Variants in GRM5 observed in about 807,000 individuals in gnomAD.
GRM5 encodes the protein glutamate metabotropic receptor 5, also known as metabotropic glutamate receptor 5.
GRM5 carries 19 observed loss-of-function variants against 83.1 expected under a neutral mutation model. The ratio of observed to expected loss-of-function variants is 0.23; its 90% CI spans 0.16 to 0.34. GRM5 has a LOEUF of 0.34. GRM5 is among the 10% of genes least tolerant of loss of function. The pLI is 1.00. For synonymous variants in GRM5, 675 were observed against 633.6 expected, an observed-to-expected ratio of 1.07 and a Z score of -0.98; for missense variants, 1,160 against 1,588.3, an observed-to-expected ratio of 0.73 and a Z score of 4.58.
chr11:88,959,720 T>C (rs764405671), intron 2 of GRM5, among the ~76,000 whole-genome samples: 1 of 152,124 alleles, frequency 6.6e-6, no homozygotes, highest in Non-Finnish European at 1.5e-5. Context: ...TTGACCTTAG[T>C]TGAGTCAGCC....
chr11:88,893,661 T>G (rs566335500), intron 2 of GRM5, among the ~76,000 whole-genome samples: 13 of 152,120 alleles, frequency 8.5e-5, no homozygotes, highest in African/African-American at 3.1e-4. Flanking sequence ...CACAACCCAT[T>G]GGAATGACTG....
chr11:88,839,222 C>T (rs1425325217), intron 3 of GRM5, among the ~76,000 whole-genome samples: 2 of 152,074 alleles, frequency 1.3e-5, no homozygotes, highest in Non-Finnish European at 2.9e-5. Context: ...TACTATATAT[C>T]ATAAAATTTT....
At chr11:88,981,253 C>A (rs551786060) in intron 2 of GRM5, among the ~76,000 whole-genome samples, 1 of 152,172 alleles carries the variant, frequency 6.6e-6, no homozygotes, top group East Asian at 1.9e-4. Context: ...ATTATATGAA[C>A]CTTTTTACCC....
At chr11:88,759,324 G>T (rs1173971948) in intron 3 of GRM5, among the ~76,000 whole-genome samples, 1 of 152,108 alleles carries the variant, frequency 6.6e-6, no homozygotes, top group Non-Finnish European at 1.5e-5. Context: ...GTCTCTTCAG[G>T]AGACCCATCT....
At chr11:88,932,867 C>A (rs912174775) in intron 2 of GRM5, among the ~76,000 whole-genome samples, 1 of 151,776 alleles carries the variant, frequency 6.6e-6, no homozygotes, top group African/African-American at 2.4e-5. Flanking sequence ...TTGATGTTGC[C>A]GAAATGCCTG....
chr11:88,605,026 G>C lies in GRM5; in HGVS notation c.1148-62C>G, dbSNP rs1295370912. On this transcript the variant is annotated intron_variant, in intron 4 of 9. Coordinates refer to ENST00000305447, the MANE Select transcript of GRM5 (RefSeq NM_001143831.3). ...AAATCTACTCTCGCGACATTCCTGG[G>C]TACTGAATAATGGGTTACCTGTAAT... is the stretch of plus-strand genomic sequence containing the variant. 2.9e-6 allele frequency: 4 copies of C among 1,381,266 alleles called. No homozygotes were observed. In the Admixed American group the frequency reaches 6.9e-5, roughly 24 times the overall value. 85.6% of individuals were successfully genotyped at this position (1,381,266 alleles called of 1,614,324 possible). A position where few individuals can be genotyped will look rare whatever the true frequency, so the allele number is the denominator to read the frequency against.
intron 2 of GRM5, among the ~76,000 whole-genome samples, chr11:88,966,322 G>A (rs1174093025): frequency 3.9e-5 from 6 of 151,998 alleles, no homozygotes; most frequent in African/African-American, 1.2e-4. Flanking sequence ...TAACAAATTA[G>A]AGAATGAAGA....
At chr11:88,906,479 A>G (rs1386103448) in intron 2 of GRM5, among the ~76,000 whole-genome samples, 1 of 152,162 alleles carries the variant, frequency 6.6e-6, no homozygotes, top group Admixed American at 6.5e-5. Flanking sequence ...GAAAAAAAAA[A>G]GTTCAAAAGC....
intron 1 of GRM5, among the ~76,000 whole-genome samples, chr11:89,062,911 C>T (rs185937105): frequency 1.2e-4 from 19 of 152,378 alleles, no homozygotes; most frequent in Admixed American, 1.2e-3. Context: ...GGATAACTAG[C>T]AGGCTTTGTG....
At chr11:88,556,591 G>A (rs1328241312) in intron 8 of GRM5, among the ~76,000 whole-genome samples, 1 of 152,036 alleles carries the variant, frequency 6.6e-6, no homozygotes, top group African/African-American at 2.4e-5. Context: ...AAAGTTCTGG[G>A]ATTACAGGCA....
At chr11:88,786,783 T>TTA (rs907941174) in intron 3 of GRM5, among the ~76,000 whole-genome samples, 1 of 152,120 alleles carries the variant, frequency 6.6e-6, no homozygotes, top group Admixed American at 6.6e-5. Flanking sequence ...TCTGTGTCTA[T>TTA]TATCTATCCC....
chr11:88,901,541 G>A (rs1289427987), intron 2 of GRM5, among the ~76,000 whole-genome samples: 1 of 152,060 alleles, frequency 6.6e-6, no homozygotes, highest in Non-Finnish European at 1.5e-5. Flanking sequence ...TAATTGCTGT[G>A]ATGGCAACAC....
intron 6 of GRM5, among the ~76,000 whole-genome samples, chr11:88,591,530 C>A (rs1255050538): frequency 6.6e-6 from 1 of 152,216 alleles, no homozygotes; most frequent in Non-Finnish European, 1.5e-5. Flanking sequence ...AGACAGCATT[C>A]ATTAAATGTT....
chr11:88,655,758 G>C (rs16914454), intron 3 of GRM5, among the ~76,000 whole-genome samples: 1,524 of 151,068 alleles, frequency 0.01, 16 homozygotes, highest in East Asian at 0.066. Flanking sequence ...TTATAAGTTA[G>C]AGTTGTGAGT....
At chr11:88,588,421 T>C (rs1311412191) in intron 7 of GRM5, among the ~76,000 whole-genome samples, 1 of 151,842 alleles carries the variant, frequency 6.6e-6, no homozygotes, top group Non-Finnish European at 1.5e-5. Context: ...CCTGAAAAAA[T>C]AGCAAGATCA....
At chr11:88,794,863 A>C (rs1229814108) in intron 3 of GRM5, among the ~76,000 whole-genome samples, 2 of 152,226 alleles carry the variant, frequency 1.3e-5, no homozygotes, top group East Asian at 1.9e-4. Context: ...CATAGCATCC[A>C]ATGTTCTTCA....
intron 2 of GRM5, among the ~76,000 whole-genome samples, chr11:88,977,790 T>C (rs776728022): frequency 5.9e-5 from 9 of 152,346 alleles, no homozygotes; most frequent in Non-Finnish European, 7.3e-5. Flanking sequence ...GCAACATGCA[T>C]AGAATTACCT....
rs189013549 is a variant in GRM5, at chr11:88,593,880, T to G, written c.1564-3153A>C. Among the ~76,000 whole-genome samples the G allele has an allele frequency of 9.9e-3, 1,486 of 150,256 alleles. 17 individuals carry two copies. The highest frequency in any genetic ancestry group is 0.075 in the East Asian group (362 of 4,830). On this transcript the variant is annotated intron_variant, in intron 6 of 9. Transcript: ENST00000305447. Reference sequence around the variant, plus strand: ...GCCATCTCGGCTCACTGCAAGCTCCTCCTCCCGGGTTCACGCCATTCTCCA... The same window carrying G: ...GCCATCTCGGCTCACTGCAAGCTCCGCCTCCCGGGTTCACGCCATTCTCCA...
chr11:88,783,573 T>TA (rs754257164), intron 3 of GRM5, among the ~76,000 whole-genome samples: 8 of 152,248 alleles, frequency 5.3e-5, no homozygotes, highest in Non-Finnish European at 1.2e-4. Flanking sequence ...TAGTTAGGTC[T>TA]ATTAAACAAT....
Sources: gnomAD v4.1 joint callset for allele counts (sites outside exome capture counted in the v4.1 genomes callset) on GRCh38, gnomAD v4.1.1 for gene constraint, MANE v1.5 for transcripts, NCBI Gene and HGNC (gene_info 2026-07-23, HGNC 2026-07-21) for gene names.